Variants in PITPNM2 observed in about 807,000 individuals in gnomAD.
PITPNM2 encodes phosphatidylinositol transfer protein membrane associated 2, also known as membrane-associated phosphatidylinositol transfer protein 2.
A neutral mutation model predicts 132.2 loss-of-function variants in PITPNM2; 35 were observed. The ratio of observed to expected loss-of-function variants is 0.26; its 90% confidence interval spans 0.20 to 0.35. PITPNM2 has a LOEUF of 0.35. Among genes scored for constraint, PITPNM2 ranks in the 10% least tolerant of loss-of-function variants. The pLI, the probability that PITPNM2 is intolerant of heterozygous loss-of-function variation, is 1.00. For missense variants in PITPNM2, 1,332 were observed against 1,912.0 expected (o/e 0.70, Z 5.66); for synonymous variants, 738 against 799.2 (o/e 0.92, Z 1.29).
chr12:123,033,525 C>G (rs577022602), intron 3 of PITPNM2, among the ~76,000 whole-genome samples: 1 of 152,336 alleles, frequency 6.6e-6, no homozygotes, highest in South Asian at 2.1e-4. Context: ...CTGTCATCCT[C>G]AAACTCCTGT....
intron 3 of PITPNM2, among the ~76,000 whole-genome samples, chr12:123,017,241 C>T (rs1392155388): frequency 2.7e-5 from 4 of 150,604 alleles, no homozygotes; most frequent in East Asian, 2.0e-4. Flanking sequence ...TGTGTGGTGG[C>T]GCATGCCTGT....
chr12:122,998,329 G>A (rs564997562), intron 10 of PITPNM2, among the ~76,000 whole-genome samples: 2 of 152,272 alleles, frequency 1.3e-5, no homozygotes, highest in East Asian at 3.9e-4. Context: ...CTGCCTGTGA[G>A]GTCAAGGTGA....
At chr12:123,088,574 T>C (rs534546480) in intron 2 of PITPNM2, 2 of 152,186 alleles carry the variant, frequency 1.3e-5, no homozygotes, top group South Asian at 2.1e-4. Flanking sequence ...CTTTTGAGAA[T>C]TGGTGAAAGA....
intron 2 of PITPNM2, among the ~76,000 whole-genome samples, chr12:123,080,719 G>A (rs550322630): frequency 1.3e-5 from 2 of 152,168 alleles, no homozygotes; most frequent in South Asian, 2.1e-4. Flanking sequence ...AATGAAACCC[G>A]GTGCCAGGAC....
At chr12:123,016,022 T>C (rs867301024) in intron 3 of PITPNM2, among the ~76,000 whole-genome samples, 22 of 152,238 alleles carry the variant, frequency 1.4e-4, no homozygotes, top group Middle Eastern at 6.8e-3. Flanking sequence ...ATTAGGAAAG[T>C]GCAAATCAAA....
chr12:123,028,074 G>A (rs768339407), intron 3 of PITPNM2, among the ~76,000 whole-genome samples: 4 of 152,210 alleles, frequency 2.6e-5, no homozygotes, highest in South Asian at 2.1e-4. Context: ...AGGGGCTAAC[G>A]AAGGAGTTGG....
At chr12:123,133,668 C>A (rs1306356551) in intron 1 of PITPNM2, among the ~76,000 whole-genome samples, 5 of 152,180 alleles carry the variant, frequency 3.3e-5, no homozygotes, top group African/African-American at 1.2e-4. Context: ...CCTTCAACCT[C>A]CTCCTCTTTC....
intron 2 of PITPNM2, among the ~76,000 whole-genome samples, chr12:123,042,317 G>A (rs961904259): frequency 1.3e-5 from 2 of 152,194 alleles, no homozygotes; most frequent in Non-Finnish European, 2.9e-5. Context: ...GGATTACTGG[G>A]GTTTGGCCCA....
At chr12:123,057,529 C>A (rs1302020564) in intron 2 of PITPNM2, among the ~76,000 whole-genome samples, 1 of 152,126 alleles carries the variant, frequency 6.6e-6, no homozygotes, top group Non-Finnish European at 1.5e-5. Flanking sequence ...TACAAAGTGC[C>A]GTAGACAAGA....
chr12:123,135,305 A>G (rs1397430891), intron 1 of PITPNM2, among the ~76,000 whole-genome samples: 1 of 152,218 alleles, frequency 6.6e-6, no homozygotes, highest in African/African-American at 2.4e-5. Flanking sequence ...ATAGCTAGGA[A>G]TAATGTACTT....
At chr12:123,102,672 A>G (rs1435211133) in intron 2 of PITPNM2, among the ~76,000 whole-genome samples, 1 of 152,194 alleles carries the variant, frequency 6.6e-6, no homozygotes, top group Non-Finnish European at 1.5e-5. Context: ...GAATCCCACT[A>G]GCCACAGGAA....
intron 1 of PITPNM2, among the ~76,000 whole-genome samples, chr12:123,127,367 G>A (rs1317211782): frequency 6.6e-6 from 1 of 152,200 alleles, no homozygotes; most frequent in African/African-American, 2.4e-5. Context: ...TCACTGGCGT[G>A]TTGATGCCCA....
rs1228255242 is a variant in PITPNM2, at chr12:122,989,940, CG to C, written c.2577del (p.Asp860MetfsTer99). On this transcript the variant is annotated frameshift_variant, in exon 18 of 26. Transcript: ENST00000320201. LOFTEE classifies it high-confidence loss of function. Reference sequence around the variant, plus strand: ...ACGCTGGGGGTATGGCTGAGCGCATCGGGGGCCTCTGAGAAGCAAGAGCAAT... The same window carrying C: ...ACGCTGGGGGTATGGCTGAGCGCATCGGGGCCTCTGAGAAGCAAGAGCAAT... ...YTASSIAQKAPDALSHTPSVR... is the reference protein window; with the variant it reads ...YTASSIAQKAXDALSHTPSVR... The C allele has an allele frequency of 1.5e-6, 2 of 1,302,462 alleles. No homozygotes were observed. 80.7% of individuals were successfully genotyped at this position (1,302,462 alleles called of 1,614,324 possible).
At chr12:123,068,958 A>G (rs2041536345) in intron 2 of PITPNM2, among the ~76,000 whole-genome samples, 1 of 152,204 alleles carries the variant, frequency 6.6e-6, no homozygotes, top group African/African-American at 2.4e-5. Flanking sequence ...CTTGTTTAAA[A>G]TGTAGATTCC....
intron 1 of PITPNM2, among the ~76,000 whole-genome samples, chr12:123,130,957 G>T (rs996835198): frequency 6.6e-6 from 1 of 152,106 alleles, no homozygotes. Context: ...GGATGATCCT[G>T]GTGCTGTCCC....
chr12:123,047,608 C>A (rs1392563206), intron 2 of PITPNM2, among the ~76,000 whole-genome samples: 1 of 152,162 alleles, frequency 6.6e-6, no homozygotes, highest in African/African-American at 2.4e-5. Flanking sequence ...TCACTCTGAA[C>A]TCCATGCACC....
At chr12:123,136,905 A>T (rs1478103337) in intron 1 of PITPNM2, among the ~76,000 whole-genome samples, 2 of 152,212 alleles carry the variant, frequency 1.3e-5, no homozygotes, top group East Asian at 3.8e-4. Flanking sequence ...AAAAAATAAT[A>T]ATAATAATTA....
chr12:123,039,901 G>C (rs2040403555), intron 2 of PITPNM2, among the ~76,000 whole-genome samples: 1 of 152,214 alleles, frequency 6.6e-6, no homozygotes, highest in Non-Finnish European at 1.5e-5. Flanking sequence ...GGAGGCCAAA[G>C]TAGGCAGATC....
chr12:123,119,795 C>CTTTT (rs112540065), intron 1 of PITPNM2, among the ~76,000 whole-genome samples: 2 of 141,094 alleles, frequency 1.4e-5, no homozygotes, highest in Admixed American at 7.1e-5. Flanking sequence ...TCTTTTCTTT[C>CTTTT]TTTTTTTTTT....
Sources: allele counts gnomAD v4.1 joint callset (sites outside exome capture counted in the v4.1 genomes callset), GRCh38; gene constraint gnomAD v4.1.1; transcripts MANE v1.5; gene names NCBI Gene and HGNC (gene_info 2026-07-23, HGNC 2026-07-21).